Variants in AKAP9 observed in about 807,000 individuals in gnomAD.
AKAP9 encodes the protein A-kinase anchor protein 9.
A neutral mutation model predicts 488.5 loss-of-function variants in AKAP9; 311 were observed. The observed-to-expected ratio is 0.64, with a 90% CI of 0.58 to 0.70. The LOEUF (loss-of-function observed/expected upper bound fraction) is 0.70, where lower values mean the gene tolerates loss of function less well. Among genes scored for constraint, AKAP9 ranks in the 30% least tolerant of loss-of-function variants. The probability of loss-of-function intolerance (pLI) is 0.00; values close to 1 mark genes in which losing one functional copy is unlikely to be tolerated. For synonymous variants in AKAP9, 1,462 were observed against 1,483.5 expected (o/e 0.99, Z 0.33); for missense variants, 4,215 against 4,374.5 (o/e 0.96, Z 1.03).
At position 92,052,841 on chromosome 7, in the gene AKAP9, T is replaced by A. The variant is rs1280211467; in HGVS notation, c.5484T>A (p.Ser1828Arg). The change falls in exon 22 of 50, where the codon AGT (serine) becomes AGA (arginine). Residue 1828 changes from serine to arginine, a missense_variant. Physicochemically the swap from Ser to Arg is moderately radical, Grantham distance 110 (BLOSUM62 -1). This residue lies in a region of AKAP9 where 2,361 missense variants were observed against 2,430.0 expected (regional missense o/e 0.97). Coordinates refer to ENST00000356239, the MANE Select transcript of AKAP9 (RefSeq NM_005751.5). Reference sequence around the variant, plus strand: ...AGCTGTCACAACGACTTGTGAGGAGTGGTTTTGCTGGAACTGAAATAGACC... The same window carrying A: ...AGCTGTCACAACGACTTGTGAGGAGAGGTTTTGCTGGAACTGAAATAGACC... ...GTELSQRLVR[S>R]GFAGTEIDPE... 6.2e-7 allele frequency: 1 copy of A among 1,613,232 alleles called. No individual in the cohort carries two copies. Among genetic ancestry groups the A allele is most frequent in the South Asian group, 1.1e-5 (1 of 91,046 alleles).
At position 92,052,852 on chromosome 7, in the gene AKAP9, G is replaced by C; in HGVS notation, c.5495G>C (p.Gly1832Ala). 6.2e-7 allele frequency: 1 copy of C among 1,613,766 alleles called. No individual in the cohort carries two copies. The highest frequency in any genetic ancestry group is 8.5e-7 in the Non-Finnish European group (1 of 1,179,846). ...CGACTTGTGAGGAGTGGTTTTGCTG[G>C]AACTGAAATAGACCCTGAAAATGAA... ...SQRLVRSGFA[G>A]TEIDPENEEL... Residue 1832 changes from glycine to alanine, a missense_variant, in exon 22 of 50, where the codon GGA becomes GCA. Coordinates refer to ENST00000356239, the MANE Select transcript of AKAP9 (RefSeq NM_005751.5).
intron 44 of AKAP9, 181 bp downstream of exon 44, chr7:92,100,050 T>C: frequency 1.7e-6 from 1 of 571,848 alleles, no homozygotes; most frequent in South Asian, 2.1e-5. Flanking sequence ...TAATTACTGT[T>C]ATTTATTGGA....
intron 37 of AKAP9, among the ~76,000 whole-genome samples, chr7:92,087,139 G>A (rs1375164922): frequency 1.3e-5 from 2 of 152,190 alleles, no homozygotes; most frequent in Non-Finnish European, 2.9e-5. Context: ...ATGCATTTCT[G>A]TGAAAGACCA....
chr7:92,034,251 T>C (rs961672475), intron 16 of AKAP9, among the ~76,000 whole-genome samples: 1 of 152,088 alleles, frequency 6.6e-6, no homozygotes, highest in Admixed American at 6.5e-5. Context: ...GAGACTTGAC[T>C]AGAGTTTGTG....
At position 92,022,803 on chromosome 7, in the gene AKAP9, A is replaced by G; in HGVS notation, c.3953-11A>G. On this transcript the variant is annotated splice_polypyrimidine_tract_variant and intron_variant, in intron 13 of 49. Transcript: ENST00000356239. ...TGAAATGTGCATTTTTTGTCTCTTT[A>G]TATAACATAGATGTCAATCATAAAA... is the stretch of plus-strand genomic sequence containing the variant. 2 of 1,538,004 alleles carry G rather than the reference A, an allele frequency of 1.3e-6. No homozygotes were observed. Among genetic ancestry groups the G allele is most frequent in the Non-Finnish European group, 1.8e-6 (2 of 1,115,120 alleles).
At chr7:91,996,001 G>C in intron 7 of AKAP9, 2 of 593,420 alleles carry the variant, frequency 3.4e-6, no homozygotes, top group South Asian at 4.4e-5. Flanking sequence ...CCCTAAAAGT[G>C]ATCAGCCTAT....
chr7:92,051,327 G>A (rs6950470), intron 21 of AKAP9, among the ~76,000 whole-genome samples: 68,458 of 152,006 alleles, frequency 0.45, 16,523 homozygotes, highest in African/African-American at 0.63. Context: ...TAAAGATGCT[G>A]TAAATTCCAA....
intron 22 of AKAP9, among the ~76,000 whole-genome samples, chr7:92,059,641 A>G (rs1809401594): frequency 6.6e-6 from 1 of 151,872 alleles, no homozygotes; most frequent in African/African-American, 2.4e-5. Flanking sequence ...AAAGACAAAA[A>G]AAAGCATATC....
At chr7:92,025,747 T>C (rs1803010563) in intron 14 of AKAP9, among the ~76,000 whole-genome samples, 1 of 152,188 alleles carries the variant, frequency 6.6e-6, no homozygotes, top group Admixed American at 6.5e-5. Flanking sequence ...ATAGGGATAA[T>C]AATAATTACC....
At chr7:92,081,452 G>A (rs375126903) in intron 31 of AKAP9, among the ~76,000 whole-genome samples, 131 of 144,746 alleles carry the variant, frequency 9.1e-4, no homozygotes, top group South Asian at 2.0e-3. Context: ...TTACAGACAC[G>A]CACCACCACA....
Position 92,079,796 on chromosome 7 carries a change from C to A in AKAP9, c.7663C>A (p.Leu2555Ile), listed in dbSNP as rs1185065742. 1 of 1,613,898 alleles carries A rather than the reference C, an allele frequency of 6.2e-7. No homozygotes were observed. Among genetic ancestry groups the A allele is most frequent in the Non-Finnish European group, 8.5e-7 (1 of 1,179,984 alleles). Residue 2555 changes from leucine (L) to isoleucine (I), a missense_variant, in exon 31 of 50, where the codon CTT becomes ATT. Leu to Ile is a conservative substitution (Grantham distance 5, BLOSUM62 2). Around this residue, in one of 5 missense-constraint regions of AKAP9, gnomAD observed 1,476 missense variants for 1,477.4 expected, o/e 1.00. Coordinates refer to ENST00000356239, the MANE Select transcript of AKAP9 (RefSeq NM_005751.5). ...KIVEEKVAAA[L>I]VSQIQLEAVQ... ...AGTTGAAGAAAAAGTGGCTGCTGCT[C>A]TTGTCAGTCAAATCCAACTTGAGGC...
At position 92,038,513 on chromosome 7, in the gene AKAP9, A is replaced by G. The variant is rs61757670; in HGVS notation, c.4433A>G (p.His1478Arg). ...KENTASSKQA[H>R]AVCQQEQHYF... ...AATACTGCATCATCAAAGCAAGCACATGCTGTGTGTCAGCAAGAACAACAT... is the reference window on the plus strand; with the variant it reads ...AATACTGCATCATCAAAGCAAGCACGTGCTGTGTGTCAGCAAGAACAACAT... Residue 1478 changes from histidine (H) to arginine (R), a missense_variant, in exon 17 of 50, where the codon CAT becomes CGT. His to Arg is a conservative substitution (Grantham distance 29). Coordinates refer to ENST00000356239, the MANE Select transcript of AKAP9 (RefSeq NM_005751.5). 6 of 1,613,898 alleles carry G rather than the reference A, an allele frequency of 3.7e-6. No homozygotes were observed. The highest frequency in any genetic ancestry group is 1.7e-4 in the Middle Eastern group (1 of 6,058).
Position 92,045,169 on chromosome 7 carries a change from C to A in AKAP9, c.5324C>A (p.Ala1775Glu). 2 of 1,613,778 alleles carry A rather than the reference C, an allele frequency of 1.2e-6. No homozygotes were observed. Among genetic ancestry groups the A allele is most frequent in the Non-Finnish European group, 1.7e-6 (2 of 1,179,960 alleles). ...GCCAGCCTAATTTGGAGGTCAGAAG[C>A]AGAGGCATCTGTAAAGTCATGTGTC... Reference protein sequence around the residue: ...SSASLIWRSEAEASVKSCVHE... With the variant: ...SSASLIWRSEEEASVKSCVHE... Residue 1775 changes from alanine (A) to glutamate (E), a missense_variant, in exon 21 of 50, where the codon GCA becomes GAA. This residue lies in a region of AKAP9 where 2,361 missense variants were observed against 2,430.0 expected (regional missense o/e 0.97). Transcript: ENST00000356239.
intron 28 of AKAP9, 53 bp downstream of exon 28, chr7:92,071,062 G>T (rs1811653267): frequency 1.4e-6 from 2 of 1,441,526 alleles, no homozygotes; most frequent in Non-Finnish European, 2.0e-6. Context: ...TTTTAAATCA[G>T]TTACCTTGAA....
intron 14 of AKAP9, among the ~76,000 whole-genome samples, chr7:92,028,576 GC>G (rs1247197461): frequency 6.6e-6 from 1 of 152,092 alleles, no homozygotes; most frequent in Admixed American, 6.5e-5. Flanking sequence ...ACATGAGAAG[GC>G]AGTTCACAGC....
At chr7:92,075,639 T>C (rs1812460852) in intron 28 of AKAP9, among the ~76,000 whole-genome samples, 1 of 152,224 alleles carries the variant, frequency 6.6e-6, no homozygotes, top group African/African-American at 2.4e-5. Flanking sequence ...TACTCCTCTC[T>C]GTGACGTCCA....
chr7:91,961,819 G>A (rs1324790919), intron 1 of AKAP9, among the ~76,000 whole-genome samples: 2 of 151,940 alleles, frequency 1.3e-5, no homozygotes, highest in African/African-American at 4.8e-5. Context: ...ACTCCAGCCT[G>A]GGCAACAGAG....
chr7:91,987,248 T>C (rs931269004), intron 3 of AKAP9, among the ~76,000 whole-genome samples: 1 of 151,986 alleles, frequency 6.6e-6, no homozygotes, highest in African/African-American at 2.4e-5. Flanking sequence ...TGAAACCCCA[T>C]GTCTACTAAA....
intron 19 of AKAP9, 22 bp downstream of exon 19, chr7:92,042,208 C>T (rs369904678): frequency 9.9e-6 from 16 of 1,613,254 alleles, no homozygotes; most frequent in Middle Eastern, 1.6e-4. Context: ...TTTGCCCCAC[C>T]TAGGAGCAAT....
Sources: allele counts gnomAD v4.1 joint callset (sites outside exome capture counted in the v4.1 genomes callset), GRCh38; gene constraint gnomAD v4.1.1; regional missense constraint gnomAD v4.1.1; transcripts MANE v1.5; gene names NCBI Gene and HGNC (gene_info 2026-07-23, HGNC 2026-07-21).